The following EYS variants were observed in gnomAD, a reference collection of about 807,000 sequenced individuals.
EYS encodes the protein protein eyes shut homolog.
Under a neutral mutation model 282.1 loss-of-function variants are expected in EYS, and 250 were observed. The ratio of observed to expected loss-of-function variants is 0.89; its 90% CI spans 0.80 to 0.98. The LOEUF is 0.98. Among genes scored for constraint, EYS ranks in the 50% least tolerant of loss-of-function variants. The pLI is 0.00. For missense variants in EYS, 4,016 were observed against 3,709.0 expected, an observed-to-expected ratio of 1.08 and a Z score of -2.15; for synonymous variants, 1,355 against 1,282.9, an observed-to-expected ratio of 1.06 and a Z score of -1.20.
chr6:65,065,091 A>T (rs1473291840), intron 12 of EYS, among the ~76,000 whole-genome samples: 1 of 152,158 alleles, frequency 6.6e-6, no homozygotes, highest in Admixed American at 6.5e-5. Context: ...GTGACTAAGA[A>T]TCTAGGCGTG....
chr6:64,974,121 A>G (rs559058871), intron 14 of EYS, among the ~76,000 whole-genome samples: 19 of 152,056 alleles, frequency 1.2e-4, no homozygotes, highest in Non-Finnish European at 2.4e-4. Context: ...TCTTAAAATC[A>G]TTTGTTTATA....
At chr6:64,455,003 TC>T (rs1775506901) in intron 26 of EYS, among the ~76,000 whole-genome samples, 1 of 152,194 alleles carries the variant, frequency 6.6e-6, no homozygotes, top group African/African-American at 2.4e-5. Flanking sequence ...TATATTTAAC[TC>T]ATTATATTGA....
intron 1 of EYS, among the ~76,000 whole-genome samples, chr6:65,651,911 C>T (rs1767661705): frequency 6.6e-6 from 1 of 151,870 alleles, no homozygotes; most frequent in African/African-American, 2.4e-5. Flanking sequence ...TAATAAATAA[C>T]TAATACGCTA....
intron 2 of EYS, among the ~76,000 whole-genome samples, chr6:65,574,190 G>A (rs1764578055): frequency 6.6e-6 from 1 of 152,142 alleles, no homozygotes; most frequent in South Asian, 2.1e-4. Flanking sequence ...CGGTGCCACT[G>A]GCACCTCTAG....
At position 64,512,290 on chromosome 6, in the gene EYS, C is replaced by T. The variant is rs9342304; in HGVS notation, c.5645-72938G>A. 3.7e-3 allele frequency among the ~76,000 whole-genome samples: 560 copies of T among 152,074 alleles called. 17 individuals are homozygous for T. In the East Asian group the frequency reaches 0.08, roughly 22 times the overall value. On this transcript the variant is annotated intron_variant, in intron 26 of 42. Transcript: ENST00000503581. The stretch of plus-strand genomic sequence containing the variant: ...ATGTAGGAGAAGCGTCACTGCAAAG[C>T]ATCACCAACAAATCATGTTGAAAGA...
chr6:64,843,754 G>T (rs1475010813), intron 19 of EYS, among the ~76,000 whole-genome samples: 4 of 152,108 alleles, frequency 2.6e-5, no homozygotes, highest in Non-Finnish European at 2.9e-5. Flanking sequence ...AATGAGTTAA[G>T]ACTTTGGGAG....
chr6:65,639,295 A>C (rs895093319), intron 2 of EYS, among the ~76,000 whole-genome samples: 1 of 152,162 alleles, frequency 6.6e-6, no homozygotes, highest in Non-Finnish European at 1.5e-5. Context: ...GTCAAGTTTC[A>C]GGAAGAATTT....
intron 26 of EYS, among the ~76,000 whole-genome samples, chr6:64,542,744 A>C (rs1764729110): frequency 1.3e-5 from 2 of 152,212 alleles, no homozygotes; most frequent in South Asian, 4.1e-4. Context: ...ACACCTAACA[A>C]TTAGGATAGA....
At chr6:64,643,580 A>G (rs1768247861) in intron 22 of EYS, among the ~76,000 whole-genome samples, 1 of 152,116 alleles carries the variant, frequency 6.6e-6, no homozygotes, top group Non-Finnish European at 1.5e-5. Flanking sequence ...ATATCCCCTG[A>G]TACGGTTTGG....
intron 2 of EYS, among the ~76,000 whole-genome samples, chr6:65,626,079 T>C (rs1766678486): frequency 2.0e-5 from 3 of 152,106 alleles, no homozygotes; most frequent in African/African-American, 4.8e-5. Flanking sequence ...GCCTGTGTAG[T>C]GATGTGTATA....
intron 28 of EYS, among the ~76,000 whole-genome samples, chr6:64,424,107 A>G (rs1774323978): frequency 6.6e-6 from 1 of 152,196 alleles, no homozygotes; most frequent in Non-Finnish European, 1.5e-5. Flanking sequence ...CTTCAACTAT[A>G]AAATATTATG....
chr6:65,690,916 C>T (rs1322993455), intron 1 of EYS, among the ~76,000 whole-genome samples: 4 of 150,280 alleles, frequency 2.7e-5, no homozygotes, highest in Non-Finnish European at 1.5e-5. Context: ...ATGAACTCAT[C>T]CTTTTTTATG....
chr6:64,952,532 T>C (rs1485474138), intron 14 of EYS, among the ~76,000 whole-genome samples: 1 of 151,990 alleles, frequency 6.6e-6, no homozygotes, highest in Non-Finnish European at 1.5e-5. Context: ...CTAAACTACT[T>C]CTCAGTCTCT....
chr6:65,679,516 T>G (rs1273117321), intron 1 of EYS, among the ~76,000 whole-genome samples: 6 of 151,856 alleles, frequency 4.0e-5, no homozygotes, highest in African/African-American at 1.4e-4. Flanking sequence ...GAAAGTAGAA[T>G]GTTGGTTGCC....
intron 12 of EYS, among the ~76,000 whole-genome samples, chr6:65,133,214 A>G (rs182131627): frequency 6.6e-6 from 1 of 152,130 alleles, no homozygotes; most frequent in East Asian, 1.9e-4. Flanking sequence ...AAAGTAGTTT[A>G]CAACTCATTT....
chr6:63,823,387 CAT>C (rs1771374484), intron 36 of EYS, among the ~76,000 whole-genome samples: 1 of 152,218 alleles, frequency 6.6e-6, no homozygotes, highest in South Asian at 2.1e-4. Context: ...TAAAATAGTA[CAT>C]GTTTAATTAC....
chr6:63,913,313 T>C (rs185520465), intron 35 of EYS, among the ~76,000 whole-genome samples: 1 of 152,230 alleles, frequency 6.6e-6, no homozygotes. Context: ...GTTCATTTTG[T>C]ATAAATATAT....
chr6:64,212,630 A>C (rs199654711), intron 31 of EYS, among the ~76,000 whole-genome samples: 1 of 151,720 alleles, frequency 6.6e-6, no homozygotes, highest in Non-Finnish European at 1.5e-5. Context: ...GCGAGGTTGT[A>C]GAGAAAAAGG....
At position 64,388,858 on chromosome 6, in the gene EYS, A is replaced by T; in HGVS notation, c.5928-18T>A. 6.8e-7 allele frequency: 1 copy of T among 1,472,012 alleles called. No homozygotes were observed. The highest frequency in any genetic ancestry group is 1.5e-5 in the South Asian group (1 of 67,576). 91.2% of individuals were successfully genotyped at this position (1,472,012 alleles called of 1,614,324 possible). ...ATTCTTGCCTGTAACCATTTAAGAA[A>T]GAAATGGTTTTAGTATAAGTCATAT... On this transcript the variant is annotated intron_variant, in intron 28 of 42. Transcript: ENST00000503581.
Sources: allele counts gnomAD v4.1 joint callset (sites outside exome capture counted in the v4.1 genomes callset), GRCh38; gene constraint gnomAD v4.1.1; transcripts MANE v1.5; gene names NCBI Gene and HGNC (gene_info 2026-07-23, HGNC 2026-07-21).